The following UPRT variants were observed in gnomAD, a reference collection of about 807,000 sequenced individuals.
UPRT encodes the protein uracil phosphoribosyltransferase homolog, also known as RP11-311P8.3.
UPRT carries 5 observed loss-of-function variants against 22.6 expected under a neutral mutation model. That is an observed-to-expected ratio of 0.22 (90% CI 0.12 to 0.47). The LOEUF is 0.47. Among genes scored for constraint, UPRT ranks in the 20% least tolerant of loss-of-function variants. UPRT has a pLI of 0.99. For missense variants in UPRT, 181 were observed against 239.9 expected, an observed-to-expected ratio of 0.75 and a Z score of 1.62; for synonymous variants, 77 against 87.7, an observed-to-expected ratio of 0.88 and a Z score of 0.68.
At chrX:75,205,646 G>C (rs1307812882) in intron 4 of UPRT, among the ~76,000 whole-genome samples, 5 of 111,603 alleles carry the variant, frequency 4.5e-5, no homozygotes, top group Non-Finnish European at 9.4e-5. Context: ...AGATAACCTG[G>C]TTAGGACCCA....
chrX:75,231,997 C>T (rs1407166590), intron 4 of UPRT, among the ~76,000 whole-genome samples: 4 of 111,702 alleles, frequency 3.6e-5, no homozygotes, highest in African/African-American at 1.3e-4. Context: ...ACGCAGAAGC[C>T]GGGTGATTTC....
chrX:75,238,172 A>T (rs780234937), intron 4 of UPRT, among the ~76,000 whole-genome samples: 1 of 111,533 alleles, frequency 9.0e-6, no homozygotes, highest in South Asian at 3.8e-4. Context: ...GCTCTGCTTA[A>T]AAGATGCAGA....
At chrX:75,273,463 C>T (rs1602485749), upstream of UPRT, among the ~76,000 whole-genome samples, 1 of 111,265 alleles carries the variant, frequency 9.0e-6, no homozygotes, top group African/African-American at 3.3e-5. Flanking sequence ...AAAGTACTGC[C>T]CTAGACACTC....
At chrX:75,212,876 C>A (rs750508112) in intron 4 of UPRT, among the ~76,000 whole-genome samples, 2 of 112,023 alleles carry the variant, frequency 1.8e-5, no homozygotes, top group Non-Finnish European at 3.8e-5. Context: ...GTGCAGCAAA[C>A]CAGCATGGCA....
In UPRT at chrX:75,266,284, C is replaced by T. The variant is rs1257494415; in HGVS notation, c.-446-24740C>T. On this transcript the variant is annotated intron_variant, in intron 4 of 13. Transcript: ENST00000652605. ...AGAACAGAGCCCTCAGAAATAATGC[C>T]GCATATCTACAACCATCTGATCTTT... Among the ~76,000 whole-genome samples the T allele has an allele frequency of 5.4e-5, 6 of 110,768 alleles. No individual in the cohort carries two copies. The South Asian group carries it at 1.5e-3, about 28-fold the overall frequency.
In UPRT at chrX:75,274,283, C is replaced by T; in HGVS notation, c.29C>T (p.Ser10Phe). 8.3e-7 allele frequency: 1 copy of T among 1,210,255 alleles called. No homozygotes were observed. Residue 10 changes from serine (S) to phenylalanine (F), a missense_variant, in exon 1 of 7, where the codon TCC (serine) becomes TTC (phenylalanine). Ser to Phe is a radical substitution (Grantham distance 155). Transcript: ENST00000373383. ...GCCACGGAGTTACAGTGTCCGGACT[C>T]CATGCCCTGTCACAACCAGCAAGTA... MATELQCPDSMPCHNQQVNS... is the reference protein window; with the variant it reads MATELQCPDFMPCHNQQVNS...
intron 4 of UPRT, among the ~76,000 whole-genome samples, chrX:75,196,423 C>G (rs1464298134): frequency 8.9e-6 from 1 of 112,686 alleles, no homozygotes; most frequent in Non-Finnish European, 1.9e-5. Flanking sequence ...TGATCAAAAG[C>G]TCAACTGTTA....
chrX:75,301,783 A>T (rs1002633618), intron 6 of UPRT, among the ~76,000 whole-genome samples: 3 of 111,762 alleles, frequency 2.7e-5, no homozygotes, highest in Non-Finnish European at 5.6e-5. Flanking sequence ...GATGACCAGT[A>T]CAAATTATGA....
At chrX:75,244,082 A>T (rs999066390) in intron 4 of UPRT, among the ~76,000 whole-genome samples, 1 of 111,641 alleles carries the variant, frequency 9.0e-6, no homozygotes, top group Non-Finnish European at 1.9e-5. Context: ...CTACTTTGTA[A>T]TTATAGCTAA....
rs1261610218 is a variant in UPRT, at chrX:75,186,908, A to G, written c.-447+19029A>G. 4.5e-5 allele frequency among the ~76,000 whole-genome samples: 5 copies of G among 111,258 alleles called. No individual in the cohort carries two copies. The South Asian group carries it at 1.9e-3, about 42-fold the overall frequency. Reference sequence around the variant, plus strand: ...TCCTCCATCCCTTTATTTTGAGCCTATGTGTGTCTCTGCATGTGAGATGGG... The same window carrying G: ...TCCTCCATCCCTTTATTTTGAGCCTGTGTGTGTCTCTGCATGTGAGATGGG... On this transcript the variant is annotated intron_variant, in intron 4 of 13. Coordinates refer to the UPRT transcript ENST00000652605.
chrX:75,260,070 AC>A (rs1397605951), intron 4 of UPRT, among the ~76,000 whole-genome samples: 1 of 112,113 alleles, frequency 8.9e-6, no homozygotes, highest in Non-Finnish European at 1.9e-5. Flanking sequence ...AGATTTTATC[AC>A]CACCAGGCCT....
chrX:75,241,723 T>C (rs774583774), intron 4 of UPRT, among the ~76,000 whole-genome samples: 1 of 112,002 alleles, frequency 8.9e-6, no homozygotes, highest in South Asian at 3.7e-4. Flanking sequence ...ATATATATCA[T>C]GGAATTGTTC....
intron 4 of UPRT, among the ~76,000 whole-genome samples, chrX:75,189,787 A>T (rs1160415547): frequency 9.0e-6 from 1 of 111,678 alleles, no homozygotes; most frequent in Non-Finnish European, 1.9e-5. Flanking sequence ...CTGTTTTATC[A>T]GAGACTAGTA....
chrX:75,211,210 C>T (rs1439425325), intron 4 of UPRT, among the ~76,000 whole-genome samples: 1 of 110,859 alleles, frequency 9.0e-6, no homozygotes, highest in Non-Finnish European at 1.9e-5. Flanking sequence ...GGAGTGAATA[C>T]TCCAAAGGAA....
At chrX:75,237,477 C>T (rs1198036997) in intron 4 of UPRT, among the ~76,000 whole-genome samples, 1 of 110,967 alleles carries the variant, frequency 9.0e-6, no homozygotes. Flanking sequence ...ATAAATCATG[C>T]TGCTATAAAA....
At chrX:75,288,142 TG>T (rs1358488424) in intron 1 of UPRT, among the ~76,000 whole-genome samples, 2 of 111,462 alleles carry the variant, frequency 1.8e-5, no homozygotes, top group Non-Finnish European at 3.8e-5. Context: ...ATTGAAACCC[TG>T]AACAGACCAA....
intron 4 of UPRT, among the ~76,000 whole-genome samples, chrX:75,186,137 C>T (rs779938020): frequency 0.012 from 1,338 of 110,699 alleles, 23 homozygotes; most frequent in African/African-American, 0.042. Context: ...TGGATCTTTC[C>T]TGCTTTCTCT....
chrX:75,256,768 GA>G (rs1307366969), intron 4 of UPRT, among the ~76,000 whole-genome samples: 1 of 111,715 alleles, frequency 9.0e-6, no homozygotes, highest in Non-Finnish European at 1.9e-5. Flanking sequence ...AGAAAACCTA[GA>G]AGAGATGGAT....
intron 4 of UPRT, among the ~76,000 whole-genome samples, chrX:75,298,248 T>C (rs1404807618): frequency 9.1e-6 from 1 of 109,692 alleles, no homozygotes; most frequent in Non-Finnish European, 1.9e-5. Context: ...TGCCTCAGCC[T>C]CCGAAAGTGC....
Sources: allele counts gnomAD v4.1 joint callset (sites outside exome capture counted in the v4.1 genomes callset), GRCh38; gene constraint gnomAD v4.1.1; transcripts MANE v1.5; gene names NCBI Gene and HGNC (gene_info 2026-07-23, HGNC 2026-07-21).